The following CLASP1 variants were observed in gnomAD, a reference collection of about 807,000 sequenced individuals.
The protein encoded by CLASP1 is CLIP-associating protein 1.
CLASP1 carries 38 observed loss-of-function variants against 192.3 expected under a neutral mutation model. That is an observed-to-expected ratio of 0.20 (90% confidence interval 0.15 to 0.26). CLASP1 has a LOEUF of 0.26. Ranked by LOEUF, CLASP1 falls within the 10% of genes least tolerant of loss-of-function variation. CLASP1 has a pLI of 1.00. For missense variants in CLASP1, 1,433 were observed against 1,932.5 expected (o/e 0.74, Z 4.85); for synonymous variants, 691 against 712.8 (o/e 0.97, Z 0.49).
chr2:121,342,839 G>A (rs555350267), intron 39 of CLASP1, among the ~76,000 whole-genome samples: 1 of 152,274 alleles, frequency 6.6e-6, no homozygotes, highest in South Asian at 2.1e-4. Context: ...GAGGGGCTGA[G>A]ATGGGAGGAT....
At chr2:121,471,097 A>G (rs1202624931) in intron 8 of CLASP1, among the ~76,000 whole-genome samples, 5 of 152,186 alleles carry the variant, frequency 3.3e-5, no homozygotes, top group Non-Finnish European at 4.4e-5. Flanking sequence ...AGCCTGGGCA[A>G]CATAGCAAGA....
intron 6 of CLASP1, among the ~76,000 whole-genome samples, chr2:121,518,028 G>A (rs567969297): frequency 1.7e-4 from 26 of 150,774 alleles, no homozygotes; most frequent in African/African-American, 4.6e-4. Context: ...TCAGGAGTTC[G>A]AGACCAGCCT....
At chr2:121,478,030 G>A (rs2150034071) in intron 8 of CLASP1, among the ~76,000 whole-genome samples, 1 of 152,152 alleles carries the variant, frequency 6.6e-6, no homozygotes, top group South Asian at 2.1e-4. Flanking sequence ...AATTATTTAA[G>A]ATAATTTCTC....
chr2:121,576,119 T>C (rs1343648312), intron 2 of CLASP1, among the ~76,000 whole-genome samples: 1 of 152,240 alleles, frequency 6.6e-6, no homozygotes, highest in Non-Finnish European at 1.5e-5. Context: ...TAGAGGTCTT[T>C]TCATTTATTA....
intron 19 of CLASP1, among the ~76,000 whole-genome samples, chr2:121,439,726 CAT>C (rs1450771627): frequency 1.3e-5 from 2 of 151,362 alleles, no homozygotes; most frequent in Non-Finnish European, 2.9e-5. Context: ...AAATGTGGCA[CAT>C]ATATACCATG....
At chr2:121,611,442 TGAG>T (rs1222651664) in intron 1 of CLASP1, among the ~76,000 whole-genome samples, 1 of 50,100 alleles carries the variant, frequency 2.0e-5, no homozygotes, top group Non-Finnish European at 3.8e-5. Flanking sequence ...TGGAGGATGA[TGAG>T]GAGTTACAGG....
chr2:121,637,024 G>A, intron 1 of CLASP1, among the ~76,000 whole-genome samples: 1 of 152,292 alleles, frequency 6.6e-6, no homozygotes, highest in South Asian at 2.1e-4. Flanking sequence ...GCACCAGAGT[G>A]ATGTCCACTC....
At chr2:121,508,161 A>G (rs1320106733) in intron 7 of CLASP1, among the ~76,000 whole-genome samples, 1 of 152,188 alleles carries the variant, frequency 6.6e-6, no homozygotes, top group Non-Finnish European at 1.5e-5. Flanking sequence ...AAACTGCATA[A>G]AGCAATAATT....
In CLASP1 at chr2:121,355,983, T is replaced by A. The variant is rs115785961; in HGVS notation, c.4206+7189A>T. Among the ~76,000 whole-genome samples the A allele has an allele frequency of 6.6e-3, 999 of 152,338 alleles. 15 individuals carry two copies. The highest frequency in any genetic ancestry group is 0.023 in the African/African-American group (955 of 41,584). ...AGCTAAGAAAAGCGTAATTTTCACA[T>A]CTAGCTTTTTAAAATTGGATCATTA... is the stretch of plus-strand genomic sequence containing the variant. On this transcript the variant is annotated intron_variant, in intron 37 of 39. Transcript: ENST00000263710.
intron 37 of CLASP1, among the ~76,000 whole-genome samples, chr2:121,351,133 C>T (rs907552230): frequency 4.6e-5 from 7 of 152,122 alleles, no homozygotes; most frequent in African/African-American, 1.2e-4. Context: ...GGAGGTGCTC[C>T]GTGGTACAGC....
At chr2:121,433,291 G>A (rs1181321175) in intron 19 of CLASP1, among the ~76,000 whole-genome samples, 2 of 149,014 alleles carry the variant, frequency 1.3e-5, no homozygotes, top group Non-Finnish European at 3.0e-5. Flanking sequence ...CTGTACTCCA[G>A]CCTGGGCAAA....
chr2:121,487,737 C>T (rs1190821846), intron 8 of CLASP1, among the ~76,000 whole-genome samples: 1 of 152,152 alleles, frequency 6.6e-6, no homozygotes, highest in Non-Finnish European at 1.5e-5. Context: ...CCACACTGAC[C>T]GACTAGGAAG....
exon 20 of CLASP1, chr2:121,430,122 T>C (rs1312507006): frequency 2.8e-5 from 44 of 1,578,582 alleles, no homozygotes; most frequent in Non-Finnish European, 3.8e-5. Context: ...GGTTATCAGG[T>C]GTAGAGGCGA....
chr2:121,630,493 T>A lies in CLASP1; in HGVS notation c.-286+18879A>T, dbSNP rs1383093417. On this transcript the variant is annotated intron_variant, in intron 1 of 39. Transcript: ENST00000263710. ...TCTCTAGAAGGCAGTATTGGTAACA[T>A]CTACAAGGAAACAAAACTTATTCCT... Among the ~76,000 whole-genome samples the A allele has an allele frequency of 2.0e-5, 3 of 151,792 alleles. No homozygotes were observed. The East Asian group carries it at 5.8e-4, about 29-fold the overall frequency.
intron 32 of CLASP1, among the ~76,000 whole-genome samples, chr2:121,384,257 T>G (rs1049536506): frequency 1.3e-5 from 2 of 151,898 alleles, no homozygotes; most frequent in Non-Finnish European, 2.9e-5. Context: ...GGCATAATGA[T>G]GGCTCACTGC....
At chr2:121,526,947 A>C (rs2094589055) in intron 5 of CLASP1, among the ~76,000 whole-genome samples, 2 of 152,250 alleles carry the variant, frequency 1.3e-5, no homozygotes, top group Non-Finnish European at 1.5e-5. Context: ...GTATTACTAC[A>C]CACATATAAA....
At chr2:121,536,371 ACTGT>A (rs2095075632) in intron 2 of CLASP1, among the ~76,000 whole-genome samples, 1 of 122,288 alleles carries the variant, frequency 8.2e-6, no homozygotes, top group South Asian at 2.8e-4. Context: ...ACAGAGCAAG[ACTGT>A]CTGAAAAAAA....
At chr2:121,570,501 G>C (rs2059890471) in intron 2 of CLASP1, among the ~76,000 whole-genome samples, 1 of 152,230 alleles carries the variant, frequency 6.6e-6, no homozygotes, top group Middle Eastern at 3.2e-3. Context: ...AACAGCTGCA[G>C]GCAGAATCTA....
At chr2:121,455,735 G>A (rs1429599539) in intron 14 of CLASP1, among the ~76,000 whole-genome samples, 3 of 152,076 alleles carry the variant, frequency 2.0e-5, no homozygotes, top group Admixed American at 6.5e-5. Context: ...GGTGGCGGAC[G>A]CCTATGGTCT....
Sources: allele counts gnomAD v4.1 joint callset (sites outside exome capture counted in the v4.1 genomes callset), GRCh38; gene constraint gnomAD v4.1.1; transcripts MANE v1.5; gene names NCBI Gene and HGNC (gene_info 2026-07-23, HGNC 2026-07-21).